ANKRD44: variants seen among roughly 807,000 people sequenced by gnomAD.
ANKRD44 encodes ankyrin repeat domain 44, also known as serine/threonine-protein phosphatase 6 regulatory ankyrin repeat subunit B.
A neutral mutation model predicts 116.0 loss-of-function variants in ANKRD44; 35 were observed. The ratio of observed to expected loss-of-function variants is 0.30; its 90% confidence interval spans 0.23 to 0.40. ANKRD44 has a LOEUF of 0.40. Among genes scored for constraint, ANKRD44 ranks in the 10% least tolerant of loss-of-function variants. The pLI, the probability that ANKRD44 is intolerant of heterozygous loss-of-function variation, is 1.00. For missense variants in ANKRD44, 1,014 were observed against 1,242.6 expected, an observed-to-expected ratio of 0.82 and a Z score of 2.77; for synonymous variants, 435 against 461.8, an observed-to-expected ratio of 0.94 and a Z score of 0.74.
intron 21 of ANKRD44, among the ~76,000 whole-genome samples, chr2:196,980,837 G>A (rs950362743): frequency 1.3e-5 from 2 of 152,174 alleles, no homozygotes; most frequent in East Asian, 1.9e-4. Context: ...CCGAATTTCA[G>A]CCTGACAGTA....
intron 16 of ANKRD44, among the ~76,000 whole-genome samples, chr2:197,061,863 C>T (rs1171424053): frequency 6.6e-6 from 1 of 150,880 alleles, no homozygotes; most frequent in African/African-American, 2.4e-5. Flanking sequence ...TCACTGCAAC[C>T]TCTGCCTTCC....
At chr2:196,983,329 G>A (rs920948073), downstream of ANKRD44, among the ~76,000 whole-genome samples, 5 of 152,036 alleles carry the variant, frequency 3.3e-5, no homozygotes. Flanking sequence ...TTTATGTCTG[G>A]GCTGAGATCG....
At position 197,206,048 on chromosome 2, in the gene ANKRD44, G is replaced by A. The variant is rs1230920105; in HGVS notation, c.28-18942C>T. On this transcript the variant is annotated intron_variant, in intron 1 of 27. Coordinates refer to ENST00000282272, the MANE Select transcript of ANKRD44 (RefSeq NM_001195144.2). ...GAAGCAAGTAAGACTGAACAGAAGG[G>A]GGTGACATATGCAGATGCACATTTT... Among the ~76,000 whole-genome samples, 3 of 152,136 alleles carry A rather than the reference G, an allele frequency of 2.0e-5. No homozygotes were observed. In the East Asian group the frequency reaches 5.8e-4, roughly 29 times the overall value.
chr2:197,202,939 T>C (rs1033754200), intron 1 of ANKRD44, among the ~76,000 whole-genome samples: 3 of 151,948 alleles, frequency 2.0e-5, no homozygotes, highest in Admixed American at 6.6e-5. Flanking sequence ...TTTGGCTGGA[T>C]TGCATATCAA....
chr2:197,213,078 A>G (rs2081360443), intron 1 of ANKRD44, among the ~76,000 whole-genome samples: 1 of 152,226 alleles, frequency 6.6e-6, no homozygotes, highest in Non-Finnish European at 1.5e-5. Context: ...GGGATAGTAT[A>G]CAGGCCTCCA....
chr2:197,229,946 C>A (rs1435588813), intron 1 of ANKRD44, among the ~76,000 whole-genome samples: 1 of 152,034 alleles, frequency 6.6e-6, no homozygotes, highest in East Asian at 1.9e-4. Flanking sequence ...GCTGAGCTAA[C>A]CATAAAACTG....
chr2:197,181,556 T>C (rs2080506490), intron 2 of ANKRD44, among the ~76,000 whole-genome samples: 1 of 152,190 alleles, frequency 6.6e-6, no homozygotes, highest in South Asian at 2.1e-4. Flanking sequence ...TTCAATTTCA[T>C]AGTACTATCC....
At chr2:196,984,605 C>A (rs368832161), downstream of ANKRD44, among the ~76,000 whole-genome samples, 5 of 152,244 alleles carry the variant, frequency 3.3e-5, no homozygotes, top group African/African-American at 1.2e-4. Context: ...CGTGAAGGAA[C>A]CTTTGACAAG....
chr2:197,204,891 C>G (rs994142380), intron 1 of ANKRD44, among the ~76,000 whole-genome samples: 2 of 152,174 alleles, frequency 1.3e-5, no homozygotes, highest in African/African-American at 4.8e-5. Context: ...AAGGCAGAAC[C>G]CGATCTAAAG....
At chr2:197,193,263 T>C (rs868115779) in intron 1 of ANKRD44, among the ~76,000 whole-genome samples, 5 of 152,204 alleles carry the variant, frequency 3.3e-5, no homozygotes, top group Admixed American at 6.5e-5. Flanking sequence ...TGGGTGTTTC[T>C]CTGCTCTTTA....
At position 197,183,661 on chromosome 2, in the gene ANKRD44, A is replaced by T. The variant is rs116682746; in HGVS notation, c.111+3362T>A. Among the ~76,000 whole-genome samples the T allele has an allele frequency of 7.9e-3, 1,174 of 148,616 alleles. 13 individuals carry two copies. Among genetic ancestry groups the T allele is most frequent in the African/African-American group, 0.027 (1,105 of 40,508 alleles). On this transcript the variant is annotated intron_variant, in intron 2 of 27. Transcript: ENST00000282272. ...TCTTTGTACACACCTGAAGGAGCAG[A>T]AAGGGGGAGTTAAAGGGAGAGTCTA...
chr2:197,098,328 A>G (rs1385454726), intron 10 of ANKRD44, among the ~76,000 whole-genome samples: 3 of 152,200 alleles, frequency 2.0e-5, no homozygotes, highest in African/African-American at 7.2e-5. Context: ...GCTTCACAAA[A>G]TTCATTTTAA....
chr2:197,036,107 A>G (rs1302112020), intron 16 of ANKRD44, among the ~76,000 whole-genome samples: 3 of 152,182 alleles, frequency 2.0e-5, no homozygotes, highest in Non-Finnish European at 4.4e-5. Flanking sequence ...GTGTTCCCAG[A>G]AATTGTTATT....
At chr2:197,049,319 A>G (rs1457716926) in intron 16 of ANKRD44, among the ~76,000 whole-genome samples, 1 of 152,060 alleles carries the variant, frequency 6.6e-6, no homozygotes, top group Non-Finnish European at 1.5e-5. Context: ...TTAGGAATAG[A>G]CCTATTTTCA....
chr2:197,237,129 A>G (rs2081995770), intron 1 of ANKRD44, among the ~76,000 whole-genome samples: 1 of 152,188 alleles, frequency 6.6e-6, no homozygotes, highest in Admixed American at 6.5e-5. Context: ...TCGATCTTGT[A>G]TAATAGCCGA....
chr2:197,171,996 CTTCTTT>C (rs2080247378), intron 2 of ANKRD44, among the ~76,000 whole-genome samples: 4 of 29,312 alleles, frequency 1.4e-4, no homozygotes, highest in African/African-American at 5.3e-5. Flanking sequence ...CGTTATTTTT[CTTCTTT>C]TTTTTTTTTT....
intron 8 of ANKRD44, 137 bp from the exon 9 acceptor site, chr2:197,110,981 C>G (rs1397877045): frequency 3.1e-6 from 2 of 649,314 alleles, no homozygotes; most frequent in African/African-American, 3.6e-5. Context: ...GTATGATCAA[C>G]ATGAGGCTGC....
At chr2:197,092,911 A>T (rs566958689) in intron 10 of ANKRD44, among the ~76,000 whole-genome samples, 179 of 152,222 alleles carry the variant, frequency 1.2e-3, no homozygotes, top group Non-Finnish European at 2.2e-3. Flanking sequence ...ACTTAAAGCT[A>T]ATGTGATTTT....
At chr2:197,023,444 G>T (rs994150583) in intron 17 of ANKRD44, among the ~76,000 whole-genome samples, 2 of 152,062 alleles carry the variant, frequency 1.3e-5, no homozygotes, top group Non-Finnish European at 2.9e-5. Flanking sequence ...ACCTTTCCTG[G>T]GTCTCTGTCA....
Sources: allele counts gnomAD v4.1 joint callset (sites outside exome capture counted in the v4.1 genomes callset), GRCh38; gene constraint gnomAD v4.1.1; transcripts MANE v1.5; gene names NCBI Gene and HGNC (gene_info 2026-07-23, HGNC 2026-07-21).